TRAK1: variants seen among roughly 807,000 people sequenced by gnomAD.
The protein encoded by TRAK1 is trafficking kinesin-binding protein 1.
In TRAK1, 33 loss-of-function variants were observed where a neutral mutation model predicts 92.1. The observed-to-expected ratio is 0.36, with a 90% CI of 0.27 to 0.48. TRAK1 has a LOEUF of 0.48. TRAK1 is among the 20% of genes least tolerant of loss of function. TRAK1 has a pLI of 0.99. For synonymous variants in TRAK1, 521 were observed against 517.3 expected (o/e 1.01, Z -0.10); for missense variants, 1,123 against 1,257.9 (o/e 0.89, Z 1.62).
chr3:42,122,547 C>T (rs1462070157), intron 1 of TRAK1, among the ~76,000 whole-genome samples: 2 of 152,080 alleles, frequency 1.3e-5, no homozygotes, highest in Admixed American at 6.5e-5. Context: ...GAGATGCTAC[C>T]GACTAGGTGT....
At chr3:42,196,998 TCTCTCACACACACACACACA>T (rs1282480584) in intron 10 of TRAK1, among the ~76,000 whole-genome samples, 2 of 94,758 alleles carry the variant, frequency 2.1e-5, no homozygotes, top group African/African-American at 4.1e-5. Flanking sequence ...TCTCTCTCTC[TCTCTCACACACACACACACA>T]CACACACACA....
At chr3:42,121,015 A>G (rs1482148452) in intron 1 of TRAK1, among the ~76,000 whole-genome samples, 1 of 152,136 alleles carries the variant, frequency 6.6e-6, no homozygotes, top group Non-Finnish European at 1.5e-5. Context: ...GCACCCTCCT[A>G]GGAGCTGGGT....
At position 42,167,237 on chromosome 3, in the gene TRAK1, C is replaced by T. The variant is rs115822274; in HGVS notation, c.287-9577C>T. 5.4e-3 allele frequency among the ~76,000 whole-genome samples: 827 copies of T among 152,194 alleles called. 14 individuals carry two copies. Among genetic ancestry groups the T allele is most frequent in the African/African-American group, 0.019 (789 of 41,518 alleles). ...TTGTTTTTACCCCTCTCTGGGGTGT[C>T]GATTAGAAATGAGCTCTTCTTTGCA... On this transcript the variant is annotated intron_variant, in intron 2 of 15. Transcript: ENST00000327628.
chr3:42,112,495 G>A (rs1201535077), intron 1 of TRAK1, among the ~76,000 whole-genome samples: 1 of 151,400 alleles, frequency 6.6e-6, no homozygotes, highest in Non-Finnish European at 1.5e-5. Context: ...ATCACTTTGG[G>A]AGGCAAAGGC....
chr3:42,208,323 T>G (rs1282785272), intron 13 of TRAK1, among the ~76,000 whole-genome samples: 2 of 152,188 alleles, frequency 1.3e-5, no homozygotes, highest in Non-Finnish European at 2.9e-5. Context: ...TTTTTTTTCC[T>G]TTTGAGTGGA....
Position 42,192,709 on chromosome 3 carries a change from G to C in TRAK1, c.770-366G>C, listed in dbSNP as rs147270269. Among the ~76,000 whole-genome samples, 29 of 152,302 alleles carry C rather than the reference G, an allele frequency of 1.9e-4. No individual in the cohort carries two copies. In the East Asian group the frequency reaches 5.6e-3, roughly 29 times the overall value. ...TTAGTCACATGGGTTCTCTTGTGTG[G>C]AATGTGAGGATGTGGCTAGATGCAC... On this transcript the variant is annotated intron_variant, in intron 7 of 15. Coordinates refer to ENST00000327628, the MANE Select transcript of TRAK1 (RefSeq NM_001042646.3).
intron 15 of TRAK1, chr3:42,220,579 G>A: frequency 1.0e-6 from 1 of 985,442 alleles, no homozygotes; most frequent in Non-Finnish European, 1.2e-6. Context: ...TGAGCCCACG[G>A]GCGAGGCAGG....
At position 42,194,955 on chromosome 3, in the gene TRAK1, T is replaced by G; in HGVS notation, c.1113+14T>G. 6.2e-7 allele frequency: 1 copy of G among 1,613,122 alleles called. No homozygotes were observed. Among genetic ancestry groups the G allele is most frequent in the South Asian group, 1.1e-5 (1 of 90,788 alleles). On this transcript the variant is annotated intron_variant, in intron 10 of 15. Coordinates refer to ENST00000327628, the MANE Select transcript of TRAK1 (RefSeq NM_001042646.3). ...CTGTTTCCCATGGTGAGCTGTGCTT[T>G]CTTCCCAGCCAGAGGACAGGAGGGG... is the stretch of plus-strand genomic sequence containing the variant.
intron 1 of TRAK1, among the ~76,000 whole-genome samples, chr3:42,064,853 C>T (rs1285625612): frequency 1.3e-5 from 2 of 152,012 alleles, no homozygotes; most frequent in African/African-American, 4.8e-5. Context: ...GAGATCAAGA[C>T]CATCCTGGCT....
At chr3:42,158,832 A>G (rs1327287215) in intron 2 of TRAK1, among the ~76,000 whole-genome samples, 3 of 149,382 alleles carry the variant, frequency 2.0e-5, no homozygotes, top group Admixed American at 6.7e-5. Flanking sequence ...GGTGGCAGGT[A>G]CCTGTAGTCC....
chr3:42,013,231 C>G (rs375582962), upstream of TRAK1, among the ~76,000 whole-genome samples: 33 of 152,320 alleles, frequency 2.2e-4, no homozygotes, highest in South Asian at 6.6e-3. This position sits in a 1 kb window ranked among gnomAD's most constrained non-coding sequence, Gnocchi z 5.1. Context: ...CTAAGGGCGG[C>G]TTTGCTAGGA....
chr3:42,042,462 C>A (rs565557541), intron 1 of TRAK1, among the ~76,000 whole-genome samples: 2 of 152,214 alleles, frequency 1.3e-5, no homozygotes, highest in South Asian at 4.1e-4. Flanking sequence ...GCCTCTGCCT[C>A]CTGGGTTCAA....
chr3:42,101,921 C>T (rs761388507), intron 1 of TRAK1, among the ~76,000 whole-genome samples: 3 of 152,152 alleles, frequency 2.0e-5, no homozygotes, highest in Non-Finnish European at 4.4e-5. Context: ...TGTAAACAGT[C>T]GTTTCAGGTC....
chr3:42,013,290 C>T (rs1349762271), upstream of TRAK1, among the ~76,000 whole-genome samples: 1 of 152,234 alleles, frequency 6.6e-6, no homozygotes, highest in South Asian at 2.1e-4. This position sits in a 1 kb window ranked among gnomAD's most constrained non-coding sequence, Gnocchi z 5.1. Flanking sequence ...ACTGTGTTCA[C>T]GACAATCAGC....
chr3:42,164,584 C>T (rs911155434), intron 2 of TRAK1, among the ~76,000 whole-genome samples: 5 of 152,196 alleles, frequency 3.3e-5, no homozygotes, highest in Admixed American at 3.3e-4. Context: ...GAGTTCTAGG[C>T]CCTTCCCTTG....
upstream of TRAK1, among the ~76,000 whole-genome samples, chr3:42,013,322 A>C (rs1245991937): frequency 6.6e-6 from 1 of 152,052 alleles, no homozygotes; most frequent in African/African-American, 2.4e-5. This position sits in a 1 kb window ranked among gnomAD's most constrained non-coding sequence, Gnocchi z 5.1. Flanking sequence ...CGGGGGTCCC[A>C]TCCTTCTCTT....
intron 1 of TRAK1, among the ~76,000 whole-genome samples, chr3:42,120,917 A>G (rs759284269): frequency 6.6e-6 from 1 of 152,202 alleles, no homozygotes; most frequent in East Asian, 1.9e-4. Context: ...TTCATTTTAC[A>G]TGCCTACCAC....
At position 42,027,557 on chromosome 3, in the gene TRAK1, C is replaced by T. The variant is rs544858044; in HGVS notation, c.-519+13440C>T. Among the ~76,000 whole-genome samples, 19 of 151,578 alleles carry T rather than the reference C, an allele frequency of 1.3e-4. No individual in the cohort carries two copies. In the South Asian group the frequency reaches 2.1e-3, roughly 17 times the overall value. ...AAAAGTAAAGCTTTTCTAATCCAGG[C>T]GTTTTTCTTCAAAATAAAGTAAATA... On this transcript the variant is annotated intron_variant, in intron 1 of 16. Transcript: ENST00000487159.
chr3:42,181,721 G>C (rs917932058), intron 3 of TRAK1, among the ~76,000 whole-genome samples: 1 of 152,190 alleles, frequency 6.6e-6, no homozygotes, highest in Non-Finnish European at 1.5e-5. Context: ...ACATTAGGTA[G>C]ACTTGAGTTA....
Sources: gnomAD v4.1 joint callset for allele counts (sites outside exome capture counted in the v4.1 genomes callset) on GRCh38, gnomAD v4.1.1 for gene constraint, Gnocchi (gnomAD v3.1) non-coding constraint, MANE v1.5 for transcripts, NCBI Gene and HGNC (gene_info 2026-07-23, HGNC 2026-07-21) for gene names.